PLEKHA7: variants seen among roughly 807,000 people sequenced by gnomAD.
The protein encoded by PLEKHA7 is pleckstrin homology domain-containing family A member 7.
In PLEKHA7, 104 loss-of-function variants were observed where a neutral mutation model predicts 170.0. That is an observed-to-expected ratio of 0.61 (90% CI 0.52 to 0.72). PLEKHA7 has a LOEUF of 0.72. PLEKHA7 is among the 30% of genes least tolerant of loss of function. The probability of loss-of-function intolerance (pLI) is 0.00; values close to 1 mark genes in which losing one functional copy is unlikely to be tolerated. For missense variants in PLEKHA7, 1,615 were observed against 1,671.7 expected, an observed-to-expected ratio of 0.97 and a Z score of 0.59; for synonymous variants, 648 against 660.8, an observed-to-expected ratio of 0.98 and a Z score of 0.30.
chr11:16,922,862 G>C (rs1459842375), intron 3 of PLEKHA7, among the ~76,000 whole-genome samples: 1 of 152,146 alleles, frequency 6.6e-6, no homozygotes, highest in East Asian at 1.9e-4. Flanking sequence ...TTTCCCCTGA[G>C]AGCAAGGGGA....
At chr11:17,014,251 C>T in intron 1 of PLEKHA7, 50 bp from the exon 2 acceptor site, 2 of 1,397,592 alleles carry the variant, frequency 1.4e-6, no homozygotes, top group South Asian at 1.7e-5. Context: ...CCGCCGGGTG[C>T]CCGCCCGGCC....
At chr11:16,781,783 A>C (rs993095249) in intron 26 of PLEKHA7, among the ~76,000 whole-genome samples, 1 of 152,264 alleles carries the variant, frequency 6.6e-6, no homozygotes, top group Middle Eastern at 3.4e-3. Flanking sequence ...AGGCCCAGGC[A>C]TCTGAGGACC....
At chr11:16,964,321 G>A (rs1862242233) in intron 3 of PLEKHA7, among the ~76,000 whole-genome samples, 1 of 152,154 alleles carries the variant, frequency 6.6e-6, no homozygotes, top group African/African-American at 2.4e-5. Flanking sequence ...CAATTCCTTT[G>A]GGTATATACC....
At chr11:16,867,594 G>C (rs1455055121) in intron 4 of PLEKHA7, among the ~76,000 whole-genome samples, 1 of 152,160 alleles carries the variant, frequency 6.6e-6, no homozygotes, top group Non-Finnish European at 1.5e-5. Context: ...TATAAAAACT[G>C]TTTCTGTGAG....
chr11:16,929,347 G>A (rs1859769843), intron 3 of PLEKHA7, among the ~76,000 whole-genome samples: 1 of 152,194 alleles, frequency 6.6e-6, no homozygotes, highest in South Asian at 2.1e-4. Flanking sequence ...CCAACATGAA[G>A]CAGCCATGAC....
chr11:16,851,141 AAC>A (rs746806020), intron 8 of PLEKHA7, 48 bp downstream of exon 8: 6 of 1,409,016 alleles, frequency 4.3e-6, no homozygotes, highest in South Asian at 1.5e-5. Context: ...ACATTTTGAG[AAC>A]ACAGTTTCTT....
intron 10 of PLEKHA7, among the ~76,000 whole-genome samples, chr11:16,824,905 G>A (rs188980903): frequency 6.1e-4 from 93 of 152,304 alleles, no homozygotes; most frequent in African/African-American, 2.1e-3. Flanking sequence ...CCGGCACCAA[G>A]AAGAGCAGCT....
chr11:16,951,175 G>T (rs141205451), intron 3 of PLEKHA7, among the ~76,000 whole-genome samples: 3 of 152,252 alleles, frequency 2.0e-5, no homozygotes, highest in African/African-American at 7.2e-5. Flanking sequence ...GTAGCATTAC[G>T]TATCTTACCC....
At chr11:16,875,353 AT>A (rs10710066) in intron 3 of PLEKHA7, among the ~76,000 whole-genome samples, 21,807 of 148,102 alleles carry the variant, frequency 0.15, 1,660 homozygotes, top group East Asian at 0.21. Context: ...AGAATACTAA[AT>A]TTTTTTTTTT....
chr11:16,828,801 GACT>G (rs1210325114), intron 9 of PLEKHA7, among the ~76,000 whole-genome samples: 3 of 152,286 alleles, frequency 2.0e-5, no homozygotes, highest in Admixed American at 6.5e-5. Context: ...TTCAGGAGTT[GACT>G]ACTCCAGGCC....
rs1290670899 is a variant in PLEKHA7 at position 16,917,848 on chromosome 11, G to A, written c.222-46666C>T. 1.2e-4 allele frequency among the ~76,000 whole-genome samples: 18 copies of A among 152,352 alleles called. 1 individual carries two copies. In the South Asian group the frequency reaches 3.3e-3, roughly 28 times the overall value. On this transcript the variant is annotated intron_variant, in intron 3 of 26. Transcript: ENST00000531066. Reference sequence around the variant, plus strand: ...CACAGTGACTGTTTGCCTTGTGCAAGAGGCCATGCTCCATGTAGTCCTAAA... The same window carrying A: ...CACAGTGACTGTTTGCCTTGTGCAAAAGGCCATGCTCCATGTAGTCCTAAA...
chr11:16,980,986 G>A (rs745658588), intron 3 of PLEKHA7, among the ~76,000 whole-genome samples: 19 of 152,126 alleles, frequency 1.2e-4, no homozygotes, highest in South Asian at 6.2e-4. Flanking sequence ...CAAGTACTCA[G>A]CACATAGTAG....
At chr11:16,914,420 G>A (rs954990534) in intron 3 of PLEKHA7, among the ~76,000 whole-genome samples, 11 of 152,102 alleles carry the variant, frequency 7.2e-5, no homozygotes, top group East Asian at 1.9e-4. Flanking sequence ...ACTCAATCTC[G>A]TACTTGGCAA....
chr11:16,992,078 C>A (rs1017984475), intron 3 of PLEKHA7, among the ~76,000 whole-genome samples: 6 of 151,676 alleles, frequency 4.0e-5, no homozygotes, highest in Admixed American at 6.6e-5. Context: ...TCCAGGGACC[C>A]CCCCCAGCCT....
chr11:16,855,113 T>C, intron 5 of PLEKHA7, 120 bp from the exon 6 acceptor site: 1 of 755,718 alleles, frequency 1.3e-6, no homozygotes, highest in Non-Finnish European at 2.2e-6. Context: ...CACCCTTTGA[T>C]CAAATGAACA....
intron 3 of PLEKHA7, among the ~76,000 whole-genome samples, chr11:16,931,915 T>G (rs374474930): frequency 5.6e-4 from 85 of 152,248 alleles, no homozygotes; most frequent in African/African-American, 1.9e-3. Flanking sequence ...AAGAAAGCAT[T>G]GGCCACACAG....
In PLEKHA7 at chr11:16,854,881, T is replaced by G. The variant is rs1312574705; in HGVS notation, c.522+8A>C. On this transcript the variant is annotated splice_region_variant and intron_variant, in intron 6 of 26. Transcript: ENST00000531066. The stretch of plus-strand genomic sequence containing the variant: ...TCCTCCAGGATTCTCACTCCTCGGC[T>G]TCCTCACCTGCTTGTGCAGCCAGCC... 3.7e-6 allele frequency: 6 copies of G among 1,612,500 alleles called. No individual in the cohort carries two copies. The highest frequency in any genetic ancestry group is 5.1e-6 in the Non-Finnish European group (6 of 1,178,680).
intron 3 of PLEKHA7, among the ~76,000 whole-genome samples, chr11:17,008,394 T>C (rs4562807): frequency 0.63 from 96,528 of 152,056 alleles, 31,287 homozygotes; most frequent in East Asian, 0.96. Context: ...GAGGAGGCCG[T>C]TTGAGCCTCC....
At chr11:16,856,584 C>A (rs960517323) in intron 4 of PLEKHA7, among the ~76,000 whole-genome samples, 6 of 152,218 alleles carry the variant, frequency 3.9e-5, no homozygotes, top group Admixed American at 3.3e-4. Flanking sequence ...GCTTCCCCAT[C>A]AGCATCCCAG....
Sources: gnomAD v4.1 joint callset for allele counts (sites outside exome capture counted in the v4.1 genomes callset) on GRCh38, gnomAD v4.1.1 for gene constraint, MANE v1.5 for transcripts, NCBI Gene and HGNC (gene_info 2026-07-23, HGNC 2026-07-21) for gene names.